Variants in PRKAA2 observed in about 807,000 individuals in gnomAD.
The protein encoded by PRKAA2 is protein kinase AMP-activated catalytic subunit alpha 2, also known as 5'-AMP-activated protein kinase catalytic subunit alpha-2.
In PRKAA2, 40 loss-of-function variants were observed where a neutral mutation model predicts 56.3. The ratio of observed to expected loss-of-function variants is 0.71; its 90% CI spans 0.55 to 0.92. The LOEUF (loss-of-function observed/expected upper bound fraction) is 0.92. PRKAA2 is among the 40% of genes least tolerant of loss of function. The pLI is 0.00. For synonymous variants in PRKAA2, 214 were observed against 234.2 expected (o/e 0.91, Z 0.79); for missense variants, 542 against 686.9 (o/e 0.79, Z 2.36).
chr1:56,673,669 G>A (rs1025758296), intron 1 of PRKAA2, among the ~76,000 whole-genome samples: 1 of 152,182 alleles, frequency 6.6e-6, no homozygotes, highest in Non-Finnish European at 1.5e-5. Context: ...TATTGATTTA[G>A]CACCTCTGTG....
rs112417824 is a variant in PRKAA2, at chr1:56,708,135, A to G, written c.*422A>G. 5.8e-3 allele frequency: 930 copies of G among 160,088 alleles called. 10 individuals carry two copies. The highest frequency in any genetic ancestry group is 0.021 in the African/African-American group (890 of 41,678). The allele number at this position is 160,088 out of a possible 1,614,324, so 9.9% of individuals were successfully genotyped here. A position where few individuals can be genotyped will look rare whatever the true frequency, so the allele number is the denominator to read the frequency against. On this transcript the variant is annotated 3_prime_UTR_variant, in exon 9 of 9. Coordinates refer to ENST00000371244, the MANE Select transcript of PRKAA2 (RefSeq NM_006252.4). ...GGCTTTATGCTGTGTTTATGCCCCC[A>G]ATTTATTTTAACAAAAGAAGATTAA... is the stretch of plus-strand genomic sequence containing the variant.
In PRKAA2 at chr1:56,706,141, G is replaced by T. The variant is rs767166675; in HGVS notation, c.1343G>T (p.Gly448Val). 6.2e-7 allele frequency: 1 copy of T among 1,613,064 alleles called. No homozygotes were observed. Among genetic ancestry groups the T allele is most frequent in the Non-Finnish European group, 8.5e-7 (1 of 1,179,156 alleles). ...LRVRRKNPVT[G>V]NYVKMSLQLY... ...GTAAGAAGAAAAAATCCAGTGACTG[G>T]CAATTACGTGAAAATGAGCTTACAA... is the stretch of plus-strand genomic sequence containing the variant. The change falls in exon 8 of 9, where the codon GGC becomes GTC. Residue 448 changes from glycine (G) to valine (V), a missense_variant. Physicochemically the swap from Gly to Val is moderately radical, Grantham distance 109. This residue lies in a region of PRKAA2 where 158 missense variants were observed against 166.1 expected (regional missense o/e 0.95). Transcript: ENST00000371244.
intron 1 of PRKAA2, among the ~76,000 whole-genome samples, chr1:56,646,019 G>A (rs11206885): frequency 0.44 from 66,133 of 152,004 alleles, 14,961 homozygotes; most frequent in Middle Eastern, 0.54. Flanking sequence ...GACCCCTAGA[G>A]ATGTAGTAAC....
intron 1 of PRKAA2, among the ~76,000 whole-genome samples, chr1:56,659,733 C>A (rs1643978770): frequency 6.6e-6 from 1 of 151,776 alleles, no homozygotes; most frequent in Non-Finnish European, 1.5e-5. Context: ...AATGGCGAAA[C>A]CCCATCTCAA....
chr1:56,693,747 C>A lies in PRKAA2; in HGVS notation c.476-18C>A. Reference sequence around the variant, plus strand: ...TTAAAAATATCTAGCACCAAGTAAACATTACTTTTATTTTTAGGATTATCT... The same window carrying A: ...TTAAAAATATCTAGCACCAAGTAAAAATTACTTTTATTTTTAGGATTATCT... On this transcript the variant is annotated intron_variant, in intron 4 of 8. Coordinates refer to ENST00000371244, the MANE Select transcript of PRKAA2 (RefSeq NM_006252.4). 6.7e-7 allele frequency: 1 copy of A among 1,498,798 alleles called. No homozygotes were observed. The highest frequency in any genetic ancestry group is 1.3e-5 in the South Asian group (1 of 79,324). 92.8% of individuals were successfully genotyped at this position (1,498,798 alleles called of 1,614,324 possible).
At chr1:56,700,314 G>A (rs1263830739) in intron 6 of PRKAA2, among the ~76,000 whole-genome samples, 1 of 152,164 alleles carries the variant, frequency 6.6e-6, no homozygotes. Context: ...TGGGCTTTGT[G>A]TGATATTGGG....
chr1:56,705,552 C>T (rs774662978), intron 7 of PRKAA2, among the ~76,000 whole-genome samples: 11 of 152,006 alleles, frequency 7.2e-5, no homozygotes, highest in Non-Finnish European at 8.8e-5. Flanking sequence ...CCTGCCACCA[C>T]ACTCGGCTGA....
At chr1:56,693,611 C>G (rs1644241862) in intron 4 of PRKAA2, among the ~76,000 whole-genome samples, 154 bp from the exon 5 acceptor site, 2 of 151,818 alleles carry the variant, frequency 1.3e-5, no homozygotes, top group Admixed American at 1.3e-4. Flanking sequence ...GAGACGGTCT[C>G]TTTCCAGTTA....
At chr1:56,679,707 A>G (rs1557552675) in intron 2 of PRKAA2, among the ~76,000 whole-genome samples, 1 of 152,046 alleles carries the variant, frequency 6.6e-6, no homozygotes, top group Non-Finnish European at 1.5e-5. Flanking sequence ...TAGGCTGCCA[A>G]TTCCAACTTG....
intron 2 of PRKAA2, among the ~76,000 whole-genome samples, chr1:56,683,624 G>T (rs1261008972): frequency 6.6e-6 from 1 of 152,078 alleles, no homozygotes; most frequent in African/African-American, 2.4e-5. Context: ...GTGGTGGAGG[G>T]GTGGTGGGGA....
chr1:56,687,135 C>T (rs1644196786), intron 2 of PRKAA2, among the ~76,000 whole-genome samples: 4 of 152,048 alleles, frequency 2.6e-5, no homozygotes, highest in Admixed American at 2.0e-4. Context: ...TCACCTGTCT[C>T]GGCCTCCCAA....
In PRKAA2 at chr1:56,710,507, T is replaced by G. The variant is rs1343869217; in HGVS notation, c.*2794T>G. On this transcript the variant is annotated 3_prime_UTR_variant, in exon 9 of 9. Transcript: ENST00000371244. ...TGAAAAGCAAATTTGGGAAATACAT[T>G]TTTTAGGAAAATACTGTCCCAGAAT... The G allele has an allele frequency of 6.6e-6, 1 of 152,136 alleles. No homozygotes were observed. The highest frequency in any genetic ancestry group is 1.5e-5 in the Non-Finnish European group (1 of 67,990). The allele number at this position is 152,136 out of a possible 1,614,324, so 9.4% of individuals were successfully genotyped here.
At chr1:56,686,390 A>G (rs1017221739) in intron 2 of PRKAA2, among the ~76,000 whole-genome samples, 1 of 152,240 alleles carries the variant, frequency 6.6e-6, no homozygotes, top group Non-Finnish European at 1.5e-5. Flanking sequence ...ATCAAGGAGA[A>G]AATCTTGCCA....
chr1:56,647,859 A>T (rs964907317), intron 1 of PRKAA2, among the ~76,000 whole-genome samples: 2 of 151,692 alleles, frequency 1.3e-5, no homozygotes, highest in African/African-American at 4.8e-5. Context: ...GCGAAACCCC[A>T]TGTCTACTAA....
Position 56,690,736 on chromosome 1 carries a change from G to C in PRKAA2, c.237-658G>C, listed in dbSNP as rs142605722. ...GCTGAATGTATCCCTGTAGTATCAT[G>C]TTACGTGTCCAGGAAAATATATGTA... On this transcript the variant is annotated intron_variant, in intron 2 of 8. Coordinates refer to ENST00000371244, the MANE Select transcript of PRKAA2 (RefSeq NM_006252.4). Among the ~76,000 whole-genome samples, 172 of 152,148 alleles carry C rather than the reference G, an allele frequency of 1.1e-3. No individual in the cohort carries two copies. In the East Asian group the frequency reaches 0.027, roughly 24 times the overall value.
intron 2 of PRKAA2, among the ~76,000 whole-genome samples, chr1:56,676,541 CAT>C (rs1644114309): frequency 6.6e-6 from 1 of 152,128 alleles, no homozygotes; most frequent in Admixed American, 6.5e-5. Flanking sequence ...CCCACTGAGA[CAT>C]ATGTCAAGCT....
rs1352377181 is a variant in PRKAA2, at chr1:56,713,849, A to T, written c.*6136A>T. On this transcript the variant is annotated 3_prime_UTR_variant, in exon 9 of 9. Transcript: ENST00000371244. The stretch of plus-strand genomic sequence containing the variant: ...AAGTGGAAGAGAGATCCACTGTTCT[A>T]AAAAAAAAAAAAAAAAAAAACACTA... 9.2e-5 allele frequency: 2 copies of T among 21,798 alleles called. No individual in the cohort carries two copies. Among genetic ancestry groups the T allele is most frequent in the Non-Finnish European group, 1.4e-4 (2 of 14,482 alleles). 1.4% of individuals were successfully genotyped at this position (21,798 alleles called of 1,614,324 possible). A position where few individuals can be genotyped will look rare whatever the true frequency, so the allele number is the denominator to read the frequency against.
At chr1:56,678,339 G>A (rs1030113670) in intron 2 of PRKAA2, among the ~76,000 whole-genome samples, 2 of 152,192 alleles carry the variant, frequency 1.3e-5, no homozygotes, top group African/African-American at 4.8e-5. Context: ...CCCTTTCAGT[G>A]GTTTTCTTTT....
chr1:56,654,426 C>G (rs1260341994), intron 1 of PRKAA2, among the ~76,000 whole-genome samples: 2 of 152,044 alleles, frequency 1.3e-5, no homozygotes, highest in South Asian at 4.1e-4. Flanking sequence ...ATTTTTGAAG[C>G]CAAGCAGATA....
Sources: gnomAD v4.1 joint callset for allele counts (sites outside exome capture counted in the v4.1 genomes callset) on GRCh38, gnomAD v4.1.1 for gene constraint, gnomAD v4.1.1 regional missense constraint, MANE v1.5 for transcripts, NCBI Gene and HGNC (gene_info 2026-07-23, HGNC 2026-07-21) for gene names.